The following PTPRN2 variants were observed in gnomAD, a reference collection of about 807,000 sequenced individuals.
The protein encoded by PTPRN2 is protein tyrosine phosphatase receptor type N2, also known as receptor-type tyrosine-protein phosphatase N2.
In PTPRN2, 74 loss-of-function variants were observed where a neutral mutation model predicts 118.8. The observed-to-expected ratio is 0.62, with a 90% CI of 0.52 to 0.76. The LOEUF (loss-of-function observed/expected upper bound fraction) is 0.76, where lower values mean the gene tolerates loss of function less well. Ranked by LOEUF, PTPRN2 falls within the 30% of genes least tolerant of loss-of-function variation. The pLI is 0.00. For missense variants in PTPRN2, 1,481 were observed against 1,394.4 expected (o/e 1.06, Z -0.99); for synonymous variants, 641 against 608.0 (o/e 1.05, Z -0.80).
chr7:158,276,981 C>T (rs1046143375), intron 3 of PTPRN2, among the ~76,000 whole-genome samples: 3 of 152,142 alleles, frequency 2.0e-5, no homozygotes, highest in South Asian at 2.1e-4. Flanking sequence ...GACCGGGCTC[C>T]GTCCCCTCTA....
chr7:158,341,283 A>C, intron 2 of PTPRN2, among the ~76,000 whole-genome samples: 1 of 151,818 alleles, frequency 6.6e-6, no homozygotes. Context: ...CACTCTCACC[A>C]TAAGAGCCGA....
chr7:158,120,308 T>C (rs1242474593), intron 9 of PTPRN2, among the ~76,000 whole-genome samples: 1 of 152,240 alleles, frequency 6.6e-6, no homozygotes, highest in Non-Finnish European at 1.5e-5. Flanking sequence ...TACTGAATTC[T>C]ATGCTTAAAC....
rs867254916 is a variant in PTPRN2 at position 158,334,131 on chromosome 7, C to G, written c.164-17199G>C. ...CAGACGTCACTCACACCCACACTCT[C>G]ACCATAAGAGGTGACACATGCAGAC... On this transcript the variant is annotated intron_variant, in intron 2 of 22. Transcript: ENST00000389418. Among the ~76,000 whole-genome samples the G allele has an allele frequency of 2.8e-3, 82 of 29,526 alleles. 1 individual carries two copies. The highest frequency in any genetic ancestry group is 4.1e-3 in the South Asian group (2 of 492). The allele number at this position is 29,526 out of a possible 152,430, so 19.4% of individuals were successfully genotyped here. A position where few individuals can be genotyped will look rare whatever the true frequency, so the allele number is the denominator to read the frequency against.
chr7:157,851,164 G>A (rs532069978), intron 12 of PTPRN2, among the ~76,000 whole-genome samples: 64 of 152,328 alleles, frequency 4.2e-4, no homozygotes, highest in Non-Finnish European at 4.9e-4. Flanking sequence ...CCCAAAAAGG[G>A]TTCTCTAACG....
At chr7:158,496,194 G>C (rs372300083) in intron 1 of PTPRN2, among the ~76,000 whole-genome samples, 1,165 of 91,096 alleles carry the variant, frequency 0.013, 17 homozygotes, top group African/African-American at 0.034. Flanking sequence ...CCCCTGCAGT[G>C]TCCCCCTTCC....
rs1803787711 is a variant in PTPRN2, at chr7:157,986,352, G to A, written c.1724-87615C>T. On this transcript the variant is annotated intron_variant, in intron 11 of 22. Transcript: ENST00000389418. The surrounding 1 kb of genome is among the most constrained non-coding windows in gnomAD (Gnocchi z 4.5). ...GGACTCTGGCGGCAGATAATGGCCT[G>A]AGAGGTCAGCTAGTCCAATTGCTTC... is the stretch of plus-strand genomic sequence containing the variant. Among the ~76,000 whole-genome samples the A allele has an allele frequency of 6.6e-6, 1 of 152,202 alleles. No individual in the cohort carries two copies. The highest frequency in any genetic ancestry group is 2.4e-5 in the African/African-American group (1 of 41,446).
Position 157,560,456 on chromosome 7 carries a change from G to A in PTPRN2, c.2902+8446C>T, listed in dbSNP as rs1799129476. Among the ~76,000 whole-genome samples, 1 of 152,132 alleles carries A rather than the reference G, an allele frequency of 6.6e-6. No homozygotes were observed. On this transcript the variant is annotated intron_variant, in intron 21 of 22. Coordinates refer to ENST00000389418, the MANE Select transcript of PTPRN2 (RefSeq NM_002847.5). This position sits in a 1 kb window ranked among gnomAD's most constrained non-coding sequence, Gnocchi z 6.7. The stretch of plus-strand genomic sequence containing the variant: ...TCCGCCTGTGCCCTGCCTGGGTGGG[G>A]TCAGCCACGCCCCCGGACCACTGCT...
intron 2 of PTPRN2, among the ~76,000 whole-genome samples, chr7:158,393,228 C>T (rs1335260419): frequency 2.0e-5 from 3 of 152,174 alleles, no homozygotes; most frequent in African/African-American, 4.8e-5. Context: ...TTAAAAAGGC[C>T]GAAACCTGGG....
At chr7:158,175,991 C>T (rs1285791040) in intron 5 of PTPRN2, among the ~76,000 whole-genome samples, 1 of 151,832 alleles carries the variant, frequency 6.6e-6, no homozygotes, top group South Asian at 2.1e-4. Flanking sequence ...CTCACGACAT[C>T]GTGAGGCCAG....
At chr7:157,984,981 C>A (rs78281080) in intron 11 of PTPRN2, among the ~76,000 whole-genome samples, 5,627 of 152,202 alleles carry the variant, frequency 0.037, 370 homozygotes, top group African/African-American at 0.13. Context: ...CCTGGCTGAG[C>A]GCCCACACTT....
At chr7:157,730,155 T>C (rs1474236370) in intron 12 of PTPRN2, among the ~76,000 whole-genome samples, 1 of 151,436 alleles carries the variant, frequency 6.6e-6, no homozygotes. Context: ...CCCCTGGGGA[T>C]GGCACCTGAG....
At chr7:157,761,808 C>T (rs71543605) in intron 12 of PTPRN2, among the ~76,000 whole-genome samples, 1,868 of 151,174 alleles carry the variant, frequency 0.012, 28 homozygotes, top group Middle Eastern at 0.021. Flanking sequence ...TCAGAGTGAA[C>T]AGGCAACCTA....
At chr7:157,797,619 T>A (rs964339767) in intron 12 of PTPRN2, among the ~76,000 whole-genome samples, 4 of 152,290 alleles carry the variant, frequency 2.6e-5, no homozygotes, top group Non-Finnish European at 5.9e-5. Flanking sequence ...CTGTGGGACG[T>A]ACCACTCGGT....
chr7:157,971,605 A>C (rs1338213283), intron 11 of PTPRN2, among the ~76,000 whole-genome samples: 1 of 152,198 alleles, frequency 6.6e-6, no homozygotes, highest in Non-Finnish European at 1.5e-5. Context: ...GCATCTTGTA[A>C]AACTGCCACC....
intron 2 of PTPRN2, among the ~76,000 whole-genome samples, chr7:158,404,659 TCAGCTCCCCGGCCCC>T (rs1563250755): frequency 7.1e-6 from 1 of 140,008 alleles, no homozygotes; most frequent in Non-Finnish European, 1.6e-5. Flanking sequence ...CTCCCCAGCC[TCAGCTCCCCGGCCCC>T]CAGCTCCTTG....
At chr7:157,759,161 C>G (rs1801987200) in intron 12 of PTPRN2, among the ~76,000 whole-genome samples, 1 of 152,274 alleles carries the variant, frequency 6.6e-6, no homozygotes, top group Admixed American at 6.5e-5. Context: ...CTCCCCCCTT[C>G]CCTCTCCTGG....
chr7:158,137,094 G>T (rs1585570588), intron 7 of PTPRN2, among the ~76,000 whole-genome samples: 1 of 152,184 alleles, frequency 6.6e-6, no homozygotes, highest in South Asian at 2.1e-4. Flanking sequence ...ACTGACTTAG[G>T]TTATTTCACT....
chr7:158,146,539 G>A (rs1389570256), intron 6 of PTPRN2, among the ~76,000 whole-genome samples: 1 of 151,890 alleles, frequency 6.6e-6, no homozygotes, highest in Non-Finnish European at 1.5e-5. Context: ...GACTAACATG[G>A]TGAAACCCCA....
rs574096563 is a variant in PTPRN2, at chr7:157,785,243, G to A, written c.1789-102306C>T. Reference sequence around the variant, plus strand: ...ACGCCCCGCCCCACAGGCTTGCACCGGGGTGCGGCCTGCCCTGTCTGGGGC... The same window carrying A: ...ACGCCCCGCCCCACAGGCTTGCACCAGGGTGCGGCCTGCCCTGTCTGGGGC... On this transcript the variant is annotated intron_variant, in intron 12 of 22. Coordinates refer to ENST00000389418, the MANE Select transcript of PTPRN2 (RefSeq NM_002847.5). The surrounding 1 kb of genome is among the most constrained non-coding windows in gnomAD (Gnocchi z 7.3). Among the ~76,000 whole-genome samples, 28 of 152,190 alleles carry A rather than the reference G, an allele frequency of 1.8e-4. No individual in the cohort carries two copies. The highest frequency in any genetic ancestry group is 9.8e-4 in the Admixed American group (15 of 15,308).
Sources: allele counts gnomAD v4.1 joint callset (sites outside exome capture counted in the v4.1 genomes callset), GRCh38; gene constraint gnomAD v4.1.1; non-coding constraint Gnocchi (gnomAD v3.1); transcripts MANE v1.5; gene names NCBI Gene and HGNC (gene_info 2026-07-23, HGNC 2026-07-21).